The following GRIK2 variants were observed in gnomAD, a reference collection of about 807,000 sequenced individuals.
The protein encoded by GRIK2 is glutamate ionotropic receptor kainate type subunit 2.
A neutral mutation model predicts 100.3 loss-of-function variants in GRIK2; 32 were observed. That is an observed-to-expected ratio of 0.32 (90% CI 0.24 to 0.43). The LOEUF (loss-of-function observed/expected upper bound fraction) is 0.43, where lower values mean the gene tolerates loss of function less well. GRIK2 is among the 20% of genes least tolerant of loss of function. GRIK2 has a pLI of 1.00. For missense variants in GRIK2, 843 were observed against 1,114.9 expected, an observed-to-expected ratio of 0.76 and a Z score of 3.47; for synonymous variants, 417 against 389.4, an observed-to-expected ratio of 1.07 and a Z score of -0.83.
intron 2 of GRIK2, among the ~76,000 whole-genome samples, chr6:101,590,834 C>T (rs966709745): frequency 1.3e-5 from 2 of 151,992 alleles, no homozygotes; most frequent in African/African-American, 4.8e-5. Context: ...TAGACATTAA[C>T]TATCTTTTAC....
At chr6:101,858,654 G>T (rs1784574054) in intron 10 of GRIK2, among the ~76,000 whole-genome samples, 2 of 151,902 alleles carry the variant, frequency 1.3e-5, no homozygotes, top group South Asian at 4.1e-4. Context: ...CTCCCAAAGT[G>T]CTGGGATTAC....
chr6:101,870,001 G>A (rs1785296182), intron 11 of GRIK2, among the ~76,000 whole-genome samples: 1 of 151,902 alleles, frequency 6.6e-6, no homozygotes, highest in Non-Finnish European at 1.5e-5. Flanking sequence ...GTAGGTACAG[G>A]ACTTATTCAA....
intron 14 of GRIK2, among the ~76,000 whole-genome samples, chr6:102,007,968 A>G (rs913501114): frequency 6.6e-6 from 1 of 152,116 alleles, no homozygotes; most frequent in African/African-American, 2.4e-5. Context: ...TGATGGTCTT[A>G]CCAAGGTGAA....
chr6:101,658,146 G>C (rs1001748752), intron 4 of GRIK2, among the ~76,000 whole-genome samples: 2 of 152,050 alleles, frequency 1.3e-5, no homozygotes, highest in Admixed American at 1.3e-4. Flanking sequence ...ATGGTGGTTT[G>C]CTGCATCCAT....
intron 10 of GRIK2, among the ~76,000 whole-genome samples, chr6:101,848,367 A>C (rs1399903557): frequency 1.3e-5 from 2 of 152,178 alleles, no homozygotes; most frequent in Admixed American, 6.5e-5. Context: ...ACAGAATTGA[A>C]TAGTTGTGAC....
chr6:101,874,569 TG>T (rs1474968092), intron 11 of GRIK2, among the ~76,000 whole-genome samples: 1 of 152,190 alleles, frequency 6.6e-6, no homozygotes, highest in Non-Finnish European at 1.5e-5. Flanking sequence ...AGGATTGTCT[TG>T]GCAATGCAGG....
chr6:102,035,689 C>T (rs774509507), intron 15 of GRIK2, 123 bp downstream of exon 15: 4 of 604,798 alleles, frequency 6.6e-6, no homozygotes, highest in Non-Finnish European at 1.2e-5. Context: ...ATCCTGCTAC[C>T]TCTCTGATTG....
intron 14 of GRIK2, among the ~76,000 whole-genome samples, chr6:101,948,762 A>T (rs781614839): frequency 6.6e-6 from 1 of 152,102 alleles, no homozygotes; most frequent in East Asian, 1.9e-4. Context: ...GGGATGAGCC[A>T]CTGTGCCTGG....
In GRIK2 at chr6:101,893,970, T is replaced by C. The variant is rs144917828; in HGVS notation, c.1748+4107T>C. Among the ~76,000 whole-genome samples, 276 of 151,682 alleles carry C rather than the reference T, an allele frequency of 1.8e-3. 1 individual carries two copies. Among genetic ancestry groups the C allele is most frequent in the Admixed American group, 3.8e-3 (58 of 15,202 alleles). On this transcript the variant is annotated intron_variant, in intron 12 of 16. Coordinates refer to ENST00000369134, the MANE Select transcript of GRIK2 (RefSeq NM_021956.5). ...ATTTTAAATACGCTTTTCTGAAAAA[T>C]ATCTTGTAATATATATTTTGCTGGA...
intron 2 of GRIK2, among the ~76,000 whole-genome samples, chr6:101,570,256 T>C (rs918379773): frequency 6.6e-6 from 1 of 152,066 alleles, no homozygotes; most frequent in Non-Finnish European, 1.5e-5. Flanking sequence ...AATATTAATC[T>C]TGTAGGGTAA....
rs1182318454 is a variant in GRIK2 at position 101,832,488 on chromosome 6, T to C, written c.1317+14005T>C. Among the ~76,000 whole-genome samples the C allele has an allele frequency of 8.5e-5, 13 of 152,304 alleles. No homozygotes were observed. In the East Asian group the frequency reaches 2.5e-3, roughly 29 times the overall value. ...TCACAAATTATTAAAAGTTAGGCCA[T>C]AAGAATATTAGCTCTTCATTCTGCT... is the stretch of plus-strand genomic sequence containing the variant. On this transcript the variant is annotated intron_variant, in intron 10 of 16. Transcript: ENST00000369134.
intron 2 of GRIK2, among the ~76,000 whole-genome samples, chr6:101,615,122 AG>A (rs1463998312): frequency 6.6e-6 from 1 of 151,750 alleles, no homozygotes; most frequent in Non-Finnish European, 1.5e-5. Flanking sequence ...CCCATGAAAA[AG>A]AAAGGTATTC....
At chr6:102,043,448 GCTTT>G (rs1157077668) in intron 15 of GRIK2, among the ~76,000 whole-genome samples, 1 of 151,764 alleles carries the variant, frequency 6.6e-6, no homozygotes. Flanking sequence ...TCCAGCCTCT[GCTTT>G]CTGTTTCTAT....
intron 10 of GRIK2, among the ~76,000 whole-genome samples, chr6:101,828,571 T>C (rs1189938829): frequency 2.0e-5 from 3 of 151,726 alleles, no homozygotes; most frequent in Non-Finnish European, 4.4e-5. Context: ...TAAGCACAAC[T>C]GAACACAACA....
At chr6:101,592,667 G>T (rs969727774) in intron 2 of GRIK2, among the ~76,000 whole-genome samples, 2 of 138,078 alleles carry the variant, frequency 1.4e-5, no homozygotes, top group Non-Finnish European at 3.1e-5. Context: ...TCTCTCTTTA[G>T]CAGGAAGGAC....
intron 2 of GRIK2, among the ~76,000 whole-genome samples, chr6:101,493,627 A>T (rs1463971027): frequency 6.6e-6 from 1 of 151,988 alleles, no homozygotes; most frequent in Non-Finnish European, 1.5e-5. Context: ...ATTTAGGAGG[A>T]AAAAAGAGCC....
At chr6:101,412,906 AT>A (rs1311044308) in intron 2 of GRIK2, among the ~76,000 whole-genome samples, 2 of 152,042 alleles carry the variant, frequency 1.3e-5, no homozygotes, top group Non-Finnish European at 2.9e-5. Context: ...ATAATAATTC[AT>A]TTATTTTCTT....
In GRIK2 at chr6:101,937,812, C is replaced by G. The variant is rs185207183; in HGVS notation, c.2085+9180C>G. ...TGCTGCTCTGACTTTTGAGTATCAG[C>G]AAAGACATATTGTTCTCATTTCTTA... On this transcript the variant is annotated intron_variant, in intron 14 of 16. Coordinates refer to ENST00000369134, the MANE Select transcript of GRIK2 (RefSeq NM_021956.5). Among the ~76,000 whole-genome samples, 111 of 152,156 alleles carry G rather than the reference C, an allele frequency of 7.3e-4. 1 individual carries two copies. Among genetic ancestry groups the G allele is most frequent in the Non-Finnish European group, 1.1e-3 (78 of 67,976 alleles).
intron 2 of GRIK2, among the ~76,000 whole-genome samples, chr6:101,451,464 T>A (rs959723842): frequency 9.9e-5 from 15 of 151,710 alleles, no homozygotes; most frequent in South Asian, 2.1e-4. Context: ...AGGCAGTCAA[T>A]AAATTGGTTG....
Sources: gnomAD v4.1 joint callset for allele counts (sites outside exome capture counted in the v4.1 genomes callset) on GRCh38, gnomAD v4.1.1 for gene constraint, MANE v1.5 for transcripts, NCBI Gene and HGNC (gene_info 2026-07-23, HGNC 2026-07-21) for gene names.